Variants in TCAIM observed in about 807,000 individuals in gnomAD.
The protein encoded by TCAIM is T cell activation inhibitor, mitochondrial.
A neutral mutation model predicts 58.6 loss-of-function variants in TCAIM; 36 were observed. The observed-to-expected ratio is 0.61, with a 90% CI of 0.47 to 0.81. The LOEUF (loss-of-function observed/expected upper bound fraction) is 0.81, where lower values mean the gene tolerates loss of function less well. Among genes scored for constraint, TCAIM ranks in the 30% least tolerant of loss-of-function variants. The pLI is 0.00. For synonymous variants in TCAIM, 172 were observed against 193.6 expected (o/e 0.89, Z 0.93); for missense variants, 466 against 579.6 (o/e 0.80, Z 2.01).
At chr3:44,404,033 C>T (rs1014761210) in intron 10 of TCAIM, among the ~76,000 whole-genome samples, 3 of 152,176 alleles carry the variant, frequency 2.0e-5, no homozygotes, top group African/African-American at 7.2e-5. Flanking sequence ...TGGGACTCTC[C>T]TCTCACTCGT....
At chr3:44,389,144 G>T (rs1395148407) in intron 5 of TCAIM, among the ~76,000 whole-genome samples, 1 of 152,172 alleles carries the variant, frequency 6.6e-6, no homozygotes, top group Admixed American at 6.5e-5. Flanking sequence ...ACAAAAATTA[G>T]CCAGGCATGG....
intron 2 of TCAIM, 142 bp downstream of exon 2, chr3:44,354,953 T>C (rs1013880869): frequency 9.4e-6 from 9 of 959,912 alleles, no homozygotes; most frequent in African/African-American, 5.0e-5. Context: ...AAAGAAAATT[T>C]ATATGAGAAG....
chr3:44,392,780 A>AT, intron 5 of TCAIM, 75 bp from the exon 6 acceptor site: 2 of 1,377,212 alleles, frequency 1.5e-6, no homozygotes, highest in Non-Finnish European at 2.0e-6. Context: ...ATGCAAGTGC[A>AT]TGCATGTGTC....
In TCAIM at chr3:44,344,066, G is replaced by A. The variant is rs148430123; in HGVS notation, c.-45+5232G>A. On this transcript the variant is annotated intron_variant, in intron 1 of 10. Transcript: ENST00000342649. Reference sequence around the variant, plus strand: ...TGAGAGAGTCTCACTCCATCACCCCGGTTGGAGTGCAGTGGTGCAATCTCA... The same window carrying A: ...TGAGAGAGTCTCACTCCATCACCCCAGTTGGAGTGCAGTGGTGCAATCTCA... 3.0e-3 allele frequency among the ~76,000 whole-genome samples: 403 copies of A among 132,700 alleles called. 11 individuals carry two copies. The East Asian group carries it at 0.038, about 12-fold the overall frequency. 87.1% of individuals were successfully genotyped at this position (132,700 alleles called of 152,430 possible).
intron 8 of TCAIM, 117 bp downstream of exon 8, chr3:44,396,951 A>G (rs1239984655): frequency 1.1e-6 from 1 of 924,246 alleles, no homozygotes; most frequent in Non-Finnish European, 1.6e-6. Flanking sequence ...TTTGTTTTTT[A>G]ATGTTTTTAA....
intron 5 of TCAIM, among the ~76,000 whole-genome samples, chr3:44,389,283 C>A (rs879611880): frequency 7.9e-5 from 12 of 152,148 alleles, no homozygotes; most frequent in Non-Finnish European, 1.6e-4. Context: ...CAGTGAGACT[C>A]CGTCTCAAAA....
At chr3:44,392,782 G>C in intron 5 of TCAIM, 73 bp from the exon 6 acceptor site, 1 of 1,401,102 alleles carries the variant, frequency 7.1e-7, no homozygotes, top group South Asian at 1.4e-5. Flanking sequence ...GCAAGTGCAT[G>C]CATGTGTCTT....
intron 4 of TCAIM, chr3:44,362,609 C>G (rs1701310437): frequency 2.6e-6 from 1 of 391,212 alleles, no homozygotes; most frequent in African/African-American, 2.1e-5. Context: ...CCATCTACCT[C>G]TGACTTAGAG....
intron 5 of TCAIM, among the ~76,000 whole-genome samples, chr3:44,389,887 A>C (rs557239630): frequency 1.3e-5 from 2 of 152,004 alleles, no homozygotes; most frequent in Non-Finnish European, 2.9e-5. Flanking sequence ...CCCTCTAAGC[A>C]TCCTGTCATC....
At position 44,394,448 on chromosome 3, in the gene TCAIM, A is replaced by C. The variant is rs577456435; in HGVS notation, c.695+1471A>C. 5.3e-5 allele frequency among the ~76,000 whole-genome samples: 8 copies of C among 152,308 alleles called. No individual in the cohort carries two copies. In the East Asian group the frequency reaches 1.5e-3, roughly 29 times the overall value. ...ATAAGATAAATTAAGGTGCATGCAA[A>C]TAACTTTTTCTAATAGAAATTTTAA... On this transcript the variant is annotated intron_variant, in intron 6 of 10. Transcript: ENST00000342649.
intron 1 of TCAIM, among the ~76,000 whole-genome samples, chr3:44,346,523 A>G (rs1700971825): frequency 6.6e-6 from 1 of 152,168 alleles, no homozygotes; most frequent in Admixed American, 6.5e-5. Flanking sequence ...GAGGGCCTGA[A>G]CAATCCCTGA....
At chr3:44,390,818 TAAG>T (rs954412224) in intron 5 of TCAIM, among the ~76,000 whole-genome samples, 17 of 152,084 alleles carry the variant, frequency 1.1e-4, no homozygotes, top group Non-Finnish European at 1.9e-4. Context: ...AAAAAAATAA[TAAG>T]AAGAAAGGGA....
chr3:44,397,993 C>A (rs1701960717), intron 8 of TCAIM, among the ~76,000 whole-genome samples: 1 of 148,966 alleles, frequency 6.7e-6, no homozygotes, highest in Non-Finnish European at 1.5e-5. Context: ...TAAAAAAGGG[C>A]AATCTAAAAC....
intron 4 of TCAIM, 53 bp downstream of exon 4, chr3:44,361,571 C>A (rs1427548942): frequency 3.5e-6 from 5 of 1,414,176 alleles, no homozygotes; most frequent in South Asian, 3.6e-5. Context: ...TAAATGTGTT[C>A]ATTAATTTTG....
chr3:44,350,482 G>C (rs1238995544), intron 1 of TCAIM, among the ~76,000 whole-genome samples: 1 of 151,526 alleles, frequency 6.6e-6, no homozygotes, highest in Non-Finnish European at 1.5e-5. Flanking sequence ...TCCCAGGCTG[G>C]AGTACAGCAG....
In TCAIM at chr3:44,384,634, C is replaced by T. The variant is rs149612708; in HGVS notation, c.573-8221C>T. 6.5e-3 allele frequency among the ~76,000 whole-genome samples: 987 copies of T among 152,288 alleles called. 7 individuals are homozygous for T. Among genetic ancestry groups the T allele is most frequent in the Non-Finnish European group, 0.01 (703 of 68,028 alleles). On this transcript the variant is annotated intron_variant, in intron 5 of 10. Coordinates refer to ENST00000342649, the MANE Select transcript of TCAIM (RefSeq NM_173826.4). ...AGTAAATCTAGCTCTTGGCTTACTT[C>T]CAGTTTTCATAGTTTTTGCTTGATG...
At chr3:44,361,292 G>A (rs1701291328) in intron 3 of TCAIM, 73 bp from the exon 4 acceptor site, 1 of 1,317,194 alleles carries the variant, frequency 7.6e-7, no homozygotes, top group African/African-American at 1.5e-5. Flanking sequence ...GTGTTTAAAA[G>A]GTTAGATAGA....
At chr3:44,392,735 A>G in intron 5 of TCAIM, 120 bp from the exon 6 acceptor site, 1 of 904,082 alleles carries the variant, frequency 1.1e-6, no homozygotes, top group Non-Finnish European at 1.6e-6. Context: ...ATTGATTGGC[A>G]TTTAGGTTGA....
intron 1 of TCAIM, chr3:44,340,696 C>G (rs2125712456): frequency 6.6e-6 from 1 of 152,288 alleles, no homozygotes; most frequent in South Asian, 2.1e-4. Flanking sequence ...GTTCTCAAAC[C>G]TGAGTGTGCA....
Sources: gnomAD v4.1 joint callset for allele counts (sites outside exome capture counted in the v4.1 genomes callset) on GRCh38, gnomAD v4.1.1 for gene constraint, MANE v1.5 for transcripts, NCBI Gene and HGNC (gene_info 2026-07-23, HGNC 2026-07-21) for gene names.